The following ADARB1 variants were observed in gnomAD, a reference collection of about 807,000 sequenced individuals.
The protein encoded by ADARB1 is adenosine deaminase RNA specific B1, also known as double-stranded RNA-specific editase 1.
In ADARB1, 10 loss-of-function variants were observed where a neutral mutation model predicts 52.4. That is an observed-to-expected ratio of 0.19 (90% CI 0.12 to 0.32). The LOEUF is 0.32. Ranked by LOEUF, ADARB1 falls within the 10% of genes least tolerant of loss-of-function variation. The probability of loss-of-function intolerance (pLI) is 1.00; values close to 1 mark genes in which losing one functional copy is unlikely to be tolerated. For synonymous variants in ADARB1, 349 were observed against 371.1 expected (o/e 0.94, Z 0.68); for missense variants, 643 against 922.3 (o/e 0.70, Z 3.92).
intron 5 of ADARB1, among the ~76,000 whole-genome samples, chr21:45,182,185 C>CA (rs2091954518): frequency 6.6e-6 from 1 of 152,232 alleles, no homozygotes; most frequent in African/African-American, 2.4e-5. Flanking sequence ...CTAATCTCTT[C>CA]AGTACTTTGA....
intron 1 of ADARB1, among the ~76,000 whole-genome samples, chr21:45,080,259 G>C (rs1371702818): frequency 2.0e-5 from 3 of 152,142 alleles, no homozygotes; most frequent in African/African-American, 7.2e-5. Flanking sequence ...GAAGTTTTTA[G>C]TTGTATTTTT....
At chr21:45,094,159 A>G (rs1332416446) in intron 1 of ADARB1, among the ~76,000 whole-genome samples, 1 of 152,228 alleles carries the variant, frequency 6.6e-6, no homozygotes, top group Non-Finnish European at 1.5e-5. Context: ...AATAGAATAT[A>G]TCAAATTATT....
intron 9 of ADARB1, among the ~76,000 whole-genome samples, chr21:45,215,902 A>C (rs1165442182): frequency 6.6e-6 from 1 of 152,156 alleles, no homozygotes; most frequent in Non-Finnish European, 1.5e-5. Context: ...ATTTGGTATT[A>C]TTTCTTTAAA....
At chr21:45,095,558 T>C (rs395921) in intron 1 of ADARB1, among the ~76,000 whole-genome samples, 2 of 151,952 alleles carry the variant, frequency 1.3e-5, no homozygotes, top group Non-Finnish European at 1.5e-5. Flanking sequence ...TTCTGCATCC[T>C]GCTGTTTCAG....
chr21:45,130,716 T>G (rs1022813525), intron 2 of ADARB1, among the ~76,000 whole-genome samples: 1 of 152,196 alleles, frequency 6.6e-6, no homozygotes, highest in Admixed American at 6.5e-5. Flanking sequence ...GTCTGTGCCG[T>G]GTAGCCACAG....
chr21:45,095,075 T>C (rs2086703010), intron 1 of ADARB1, among the ~76,000 whole-genome samples: 1 of 152,234 alleles, frequency 6.6e-6, no homozygotes, highest in South Asian at 2.1e-4. Flanking sequence ...ATCTGTCTCT[T>C]GTTAAGGTCA....
At chr21:45,174,511 T>C (rs1409666486) in intron 3 of ADARB1, among the ~76,000 whole-genome samples, 6 of 152,168 alleles carry the variant, frequency 3.9e-5, no homozygotes, top group African/African-American at 1.4e-4. Context: ...CAGACCAGCC[T>C]GACCAATGTG....
At chr21:45,216,625 A>C (rs2092867730) in intron 9 of ADARB1, among the ~76,000 whole-genome samples, 1 of 152,132 alleles carries the variant, frequency 6.6e-6, no homozygotes, top group Admixed American at 6.6e-5. Context: ...TATGGACCAG[A>C]ATATGATCTA....
chr21:45,150,997 G>C (rs986981475), intron 2 of ADARB1, among the ~76,000 whole-genome samples: 9 of 152,198 alleles, frequency 5.9e-5, no homozygotes, highest in African/African-American at 2.2e-4. Flanking sequence ...CTGTCCCTGG[G>C]TCATGCAAGC....
intron 1 of ADARB1, among the ~76,000 whole-genome samples, chr21:45,109,382 A>G (rs2087429527): frequency 6.6e-6 from 1 of 152,266 alleles, no homozygotes; most frequent in African/African-American, 2.4e-5. Context: ...CCGAGTTGTC[A>G]TGAATGCTTT....
Position 45,197,578 on chromosome 21 carries a change from A to G in ADARB1, c.1566-6977A>G, listed in dbSNP as rs79248258. Among the ~76,000 whole-genome samples, 287 of 152,362 alleles carry G rather than the reference A, an allele frequency of 1.9e-3. 1 individual carries two copies. The East Asian group carries it at 0.047, about 25-fold the overall frequency. Reference sequence around the variant, plus strand: ...ACTCCTAGTGGTTTACCAAAGAGAAATGAAAGCGTATGTCCACGCAGACTT... The same window carrying G: ...ACTCCTAGTGGTTTACCAAAGAGAAGTGAAAGCGTATGTCCACGCAGACTT... On this transcript the variant is annotated intron_variant, in intron 8 of 10. Transcript: ENST00000348831.
chr21:45,177,522 C>T (rs2091751527), intron 4 of ADARB1: 1 of 152,250 alleles, frequency 6.6e-6, no homozygotes, highest in South Asian at 2.1e-4. Flanking sequence ...AATCCTAAAA[C>T]TCTCTGATTA....
At chr21:45,164,862 G>A (rs2146068434) in intron 2 of ADARB1, among the ~76,000 whole-genome samples, 1 of 152,304 alleles carries the variant, frequency 6.6e-6, no homozygotes. Flanking sequence ...CCAACTTTGG[G>A]AGAAGAGCTG....
chr21:45,185,676 T>C (rs1359814889), intron 8 of ADARB1, among the ~76,000 whole-genome samples: 1 of 152,194 alleles, frequency 6.6e-6, no homozygotes, highest in Non-Finnish European at 1.5e-5. Flanking sequence ...CAGAGCAGAT[T>C]ATAGAAAACC....
At chr21:45,148,885 G>A (rs1396418415) in intron 2 of ADARB1, among the ~76,000 whole-genome samples, 11 of 152,108 alleles carry the variant, frequency 7.2e-5, no homozygotes, top group Admixed American at 6.5e-5. Flanking sequence ...AGGCTGTCTC[G>A]TCCCTGACTG....
intron 2 of ADARB1, among the ~76,000 whole-genome samples, chr21:45,162,605 A>C (rs547997057): frequency 3.3e-5 from 5 of 152,338 alleles, no homozygotes; most frequent in African/African-American, 9.6e-5. Context: ...TTTACCAAAA[A>C]GAGCCACACC....
At chr21:45,146,465 G>A (rs970961265) in intron 2 of ADARB1, among the ~76,000 whole-genome samples, 2 of 152,234 alleles carry the variant, frequency 1.3e-5, no homozygotes, top group Non-Finnish European at 2.9e-5. Context: ...GGACTCTCCC[G>A]GGGCTGCGTC....
intron 2 of ADARB1, among the ~76,000 whole-genome samples, chr21:45,147,876 C>T (rs2090084425): frequency 6.6e-6 from 1 of 152,224 alleles, no homozygotes; most frequent in Admixed American, 6.5e-5. Flanking sequence ...CTGAGCCCCA[C>T]GCAGCGGTTC....
At position 45,223,967 on chromosome 21, in the gene ADARB1, G is replaced by A. The variant is rs1190733454; in HGVS notation, c.*1770G>A. ...TAGTTGTCTCCCTGAAGCAGTCACA[G>A]CAGGCGTCTCTGCCGCTCCGTCACC... On this transcript the variant is annotated 3_prime_UTR_variant, in exon 11 of 11. Transcript: ENST00000348831. 1 of 985,304 alleles carries A rather than the reference G, an allele frequency of 1.0e-6. No homozygotes were observed. The highest frequency in any genetic ancestry group is 1.1e-4 in the East Asian group (1 of 8,802). The allele number at this position is 985,304 out of a possible 1,614,324, so 61.0% of individuals were successfully genotyped here. A position where few individuals can be genotyped will look rare whatever the true frequency, so the allele number is the denominator to read the frequency against.
Sources: gnomAD v4.1 joint callset for allele counts (sites outside exome capture counted in the v4.1 genomes callset) on GRCh38, gnomAD v4.1.1 for gene constraint, MANE v1.5 for transcripts, NCBI Gene and HGNC (gene_info 2026-07-23, HGNC 2026-07-21) for gene names.